The following ELOB variants were observed in gnomAD, a reference collection of about 807,000 sequenced individuals.
The protein encoded by ELOB is elongin-B.
ELOB carries 3 observed loss-of-function variants against 12.9 expected under a neutral mutation model. That is an observed-to-expected ratio of 0.23 (90% CI 0.11 to 0.60). The LOEUF (loss-of-function observed/expected upper bound fraction) is 0.60. Ranked by LOEUF, ELOB falls within the 20% of genes least tolerant of loss-of-function variation. The probability of loss-of-function intolerance (pLI) is 0.89; values close to 1 mark genes in which losing one functional copy is unlikely to be tolerated. For synonymous variants in ELOB, 84 were observed against 67.4 expected, an observed-to-expected ratio of 1.25 and a Z score of -1.21; for missense variants, 126 against 159.2, an observed-to-expected ratio of 0.79 and a Z score of 1.12.
rs1466850648 is a variant in ELOB at position 2,776,291 on chromosome 16, GAGC to G, written c.138+699_138+701del. On this transcript the variant is annotated intron_variant, in intron 2 of 3. Coordinates refer to ENST00000409906, the MANE Select transcript of ELOB (RefSeq NM_007108.4). ...CATGGGAGCTGAGGCTCTGAGCCTG[GAGC>G]TAAAAGTCAGTTTCCCAGTTTCCAG... is the stretch of plus-strand genomic sequence containing the variant. Among the ~76,000 whole-genome samples, 6 of 152,184 alleles carry G rather than the reference GAGC, an allele frequency of 3.9e-5. No homozygotes were observed. The East Asian group carries it at 9.6e-4, about 24-fold the overall frequency.
chr16:2,775,234 G>A (rs2150784919), intron 3 of ELOB, among the ~76,000 whole-genome samples: 1 of 151,716 alleles, frequency 6.6e-6, no homozygotes, highest in East Asian at 1.9e-4. Flanking sequence ...CACAAAATAA[G>A]CTTTGGTTTC....
chr16:2,775,993 C>G (rs1368819984), intron 2 of ELOB, among the ~76,000 whole-genome samples: 1 of 152,194 alleles, frequency 6.6e-6, no homozygotes, highest in East Asian at 1.9e-4. Context: ...TGGGCTCAAG[C>G]AATTCTCCTG....
chr16:2,772,237 C>T (rs2068763426), intron 3 of ELOB, 135 bp from the exon 4 acceptor site: 6 of 1,048,434 alleles, frequency 5.7e-6, no homozygotes, highest in Non-Finnish European at 7.9e-6. Flanking sequence ...GTAGTCTCCA[C>T]AGCGCTGACC....
intron 3 of ELOB, among the ~76,000 whole-genome samples, chr16:2,775,010 C>A (rs1277572845): frequency 6.6e-6 from 1 of 152,198 alleles, no homozygotes; most frequent in Non-Finnish European, 1.5e-5. Context: ...TGATGTCTGA[C>A]TCCAGCAAGG....
chr16:2,771,945 C>A lies in ELOB; in HGVS notation c.*45G>T. 6.3e-7 allele frequency: 1 copy of A among 1,587,978 alleles called. No homozygotes were observed. Among genetic ancestry groups the A allele is most frequent in the Admixed American group, 1.8e-5 (1 of 55,590 alleles). On this transcript the variant is annotated 3_prime_UTR_variant, in exon 4 of 4. Transcript: ENST00000409906. Reference sequence around the variant, plus strand: ...GAAAAAGAGGCAGCAACCAGGCAGACTCCCAAATCTCTTTTATTGGGGGAA... The same window carrying A: ...GAAAAAGAGGCAGCAACCAGGCAGAATCCCAAATCTCTTTTATTGGGGGAA...
intron 3 of ELOB, among the ~76,000 whole-genome samples, chr16:2,773,314 T>C (rs2068779731): frequency 6.6e-6 from 1 of 152,106 alleles, no homozygotes; most frequent in African/African-American, 2.4e-5. Context: ...CCACGTGCTA[T>C]GGTGCACAAG....
Position 2,777,266 on chromosome 16 carries a change from C to T in ELOB, c.-27G>A, listed in dbSNP as rs1015081786. The T allele has an allele frequency of 2.0e-6, 2 of 1,021,566 alleles. No individual in the cohort carries two copies. Among genetic ancestry groups the T allele is most frequent in the Admixed American group, 5.4e-5 (1 of 18,422 alleles). 63.3% of individuals were successfully genotyped at this position (1,021,566 alleles called of 1,614,324 possible). ...GCGGCTGCTGCCTCTCCCCTCGACG[C>T]GCCGGCGCAGCCGCGCTCCGCCCCG... On this transcript the variant is annotated 5_prime_UTR_variant, in exon 1 of 4. Transcript: ENST00000409906.
chr16:2,777,164 G>GC (rs754936586), intron 1 of ELOB, 37 bp from the exon 2 acceptor site: 139 of 1,235,330 alleles, frequency 1.1e-4, no homozygotes, highest in Admixed American at 2.3e-4. Context: ...CGAAGCCCGG[G>GC]CCCCCCGCGC....
intron 3 of ELOB, among the ~76,000 whole-genome samples, chr16:2,773,726 TA>T (rs768702320): frequency 5.3e-5 from 8 of 152,188 alleles, no homozygotes; most frequent in Non-Finnish European, 1.2e-4. Flanking sequence ...CATGCCATAT[TA>T]GGGGTTGTGG....
intron 2 of ELOB, among the ~76,000 whole-genome samples, chr16:2,776,461 G>A (rs777324041): frequency 5.9e-5 from 9 of 152,220 alleles, no homozygotes; most frequent in Non-Finnish European, 1.0e-4. Flanking sequence ...GTTTGCAAGG[G>A]GAAAGGGGGG....
At position 2,771,544 on chromosome 16, in the gene ELOB, A is replaced by G. The variant is rs1286244883; in HGVS notation, c.*446T>C. ...CCCTCGTTGAACATGCTGTCAAACCAGGACACTGGCTCCAGCTTGTGTTTC... is the reference window on the plus strand; with the variant it reads ...CCCTCGTTGAACATGCTGTCAAACCGGGACACTGGCTCCAGCTTGTGTTTC... On this transcript the variant is annotated 3_prime_UTR_variant, in exon 4 of 4. Coordinates refer to ENST00000409906, the MANE Select transcript of ELOB (RefSeq NM_007108.4). 1.2e-6 allele frequency: 2 copies of G among 1,614,028 alleles called. No homozygotes were observed. Among genetic ancestry groups the G allele is most frequent in the South Asian group, 1.1e-5 (1 of 91,082 alleles).
intron 2 of ELOB, 103 bp from the exon 3 acceptor site, chr16:2,775,659 T>C (rs1367024103): frequency 2.4e-6 from 2 of 821,206 alleles, no homozygotes; most frequent in Non-Finnish European, 1.9e-6. Flanking sequence ...AAGAGAGAGT[T>C]CCCTCAGTGT....
intron 3 of ELOB, among the ~76,000 whole-genome samples, chr16:2,773,662 C>T (rs531367571): frequency 2.0e-4 from 31 of 152,282 alleles, no homozygotes; most frequent in Admixed American, 6.5e-5. Context: ...TCAAGACAGC[C>T]ATCACCTGCA....
intron 2 of ELOB, among the ~76,000 whole-genome samples, chr16:2,776,238 T>C (rs2068799302): frequency 6.6e-6 from 1 of 152,098 alleles, no homozygotes; most frequent in Non-Finnish European, 1.5e-5. Context: ...GTCCCAGTAG[T>C]TATGAGTGAG....
At chr16:2,772,717 T>C (rs566746158) in intron 3 of ELOB, among the ~76,000 whole-genome samples, 2 of 150,294 alleles carry the variant, frequency 1.3e-5, no homozygotes, top group African/African-American at 2.5e-5. Flanking sequence ...AAAAAAAAAA[T>C]CAAACTAGAC....
At chr16:2,775,390 T>G in intron 3 of ELOB, 61 bp downstream of exon 3, 2 of 1,286,586 alleles carry the variant, frequency 1.6e-6, no homozygotes, top group Non-Finnish European at 2.1e-6. Flanking sequence ...TGACCTTCTT[T>G]GGAACAGTGT....
In ELOB at chr16:2,775,487, G is replaced by A; in HGVS notation, c.208C>T (p.Gln70Ter). Reference sequence around the variant, plus strand: ...GCCAGCCCCACTGTGGCTGGGGCCTGTGGCCGTGCTGTTTGACTGGTGAAG... The same window carrying A: ...GCCAGCCCCACTGTGGCTGGGGCCTATGGCCGTGCTGTTTGACTGGTGAAG... The part of the protein sequence containing the change: ...CGFTSQTARP[Q>*]APATVGLAFR... The change falls in exon 3 of 4, where the codon CAG (glutamine) becomes TAG (stop). Residue 70 changes from glutamine (Q) to a stop codon, truncating the protein, a stop_gained. Coordinates refer to ENST00000409906, the MANE Select transcript of ELOB (RefSeq NM_007108.4). LOFTEE classifies it high-confidence loss of function. 1 of 1,606,620 alleles carries A rather than the reference G, an allele frequency of 6.2e-7. No homozygotes were observed. Among genetic ancestry groups the A allele is most frequent in the Non-Finnish European group, 8.5e-7 (1 of 1,179,726 alleles).
rs1297204731 is a variant in ELOB, at chr16:2,771,677, G to A, written c.*313C>T. On this transcript the variant is annotated 3_prime_UTR_variant, in exon 4 of 4. Transcript: ENST00000409906. ...TCTCTTGTCCCTGAGGCTGGCTCTG[G>A]TCTTTGTGTCTCTCCCAGTCCTTCC... is the stretch of plus-strand genomic sequence containing the variant. 37 of 1,602,378 alleles carry A rather than the reference G, an allele frequency of 2.3e-5. No homozygotes were observed. The highest frequency in any genetic ancestry group is 3.1e-5 in the Non-Finnish European group (36 of 1,174,840).
At chr16:2,773,299 C>T (rs1036559771) in intron 3 of ELOB, among the ~76,000 whole-genome samples, 4 of 152,040 alleles carry the variant, frequency 2.6e-5, no homozygotes, top group Admixed American at 2.6e-4. Context: ...GCCTGGGATA[C>T]GGCTCCACGT....
Sources: allele counts gnomAD v4.1 joint callset (sites outside exome capture counted in the v4.1 genomes callset), GRCh38; gene constraint gnomAD v4.1.1; transcripts MANE v1.5; gene names NCBI Gene and HGNC (gene_info 2026-07-23, HGNC 2026-07-21).